CCDC63: variants seen among roughly 807,000 people sequenced by gnomAD.
CCDC63 encodes the protein coiled-coil domain containing 63.
A neutral mutation model predicts 63.6 loss-of-function variants in CCDC63; 54 were observed. That is an observed-to-expected ratio of 0.85 (90% confidence interval 0.68 to 1.07). CCDC63 has a LOEUF of 1.07. CCDC63 is among the 50% of genes least tolerant of loss of function. CCDC63 has a pLI of 0.00. For synonymous variants in CCDC63, 253 were observed against 266.1 expected, an observed-to-expected ratio of 0.95 and a Z score of 0.48; for missense variants, 637 against 689.6, an observed-to-expected ratio of 0.92 and a Z score of 0.86.
chr12:110,844,745 T>G (rs1198837849), upstream of CCDC63, among the ~76,000 whole-genome samples: 1 of 152,126 alleles, frequency 6.6e-6, no homozygotes, highest in Non-Finnish European at 1.5e-5. Flanking sequence ...CCTGGTTACA[T>G]AGGCTCAATG....
At chr12:110,863,674 G>A (rs954888987) in intron 4 of CCDC63, among the ~76,000 whole-genome samples, 1 of 151,790 alleles carries the variant, frequency 6.6e-6, no homozygotes, top group African/African-American at 2.4e-5. Context: ...CCTAGTAGTT[G>A]GGATTACAGA....
intron 9 of CCDC63, among the ~76,000 whole-genome samples, chr12:110,897,270 A>G (rs2071425700): frequency 1.3e-5 from 2 of 148,148 alleles, no homozygotes; most frequent in African/African-American, 5.1e-5. Flanking sequence ...ACTTGTCTCT[A>G]ATTTTATTAA....
intron 4 of CCDC63, among the ~76,000 whole-genome samples, chr12:110,871,525 A>G (rs1481765290): frequency 7.0e-6 from 1 of 142,990 alleles, no homozygotes; most frequent in East Asian, 2.1e-4. Context: ...CCTTCTCTCT[A>G]TCTTTCCTTC....
At position 110,904,711 on chromosome 12, in the gene CCDC63, C is replaced by T; in HGVS notation, c.1466C>T (p.Ala489Val). ...PFINPFWGGS[A>V]LLKPPEPIKV... ...ATCAACCCTTTCTGGGGTGGCTCTG[C>T]CCTCCTCAAGCCCCCAGAACCCATC... Residue 489 changes from alanine to valine, a missense_variant, in exon 11 of 12, where the codon GCC (alanine) becomes GTC (valine). Coordinates refer to ENST00000308208, the MANE Select transcript of CCDC63 (RefSeq NM_152591.3). 1.2e-6 allele frequency: 2 copies of T among 1,614,088 alleles called. No individual in the cohort carries two copies. Among genetic ancestry groups the T allele is most frequent in the Non-Finnish European group, 1.7e-6 (2 of 1,179,996 alleles).
rs1380451522 is a variant in CCDC63, at chr12:110,904,584, C to T, written c.1343-4C>T. The T allele has an allele frequency of 3.7e-6, 6 of 1,613,834 alleles. No homozygotes were observed. In the Admixed American group the frequency reaches 5.0e-5, roughly 13 times the overall value. On this transcript the variant is annotated splice_polypyrimidine_tract_variant and splice_region_variant and intron_variant, in intron 10 of 11. Transcript: ENST00000308208. ...CCATCTTGGTCCTGCTTCTTGTTCT[C>T]CAGCCATCATTGAAAAGAAGACCAA...
At chr12:110,893,954 T>C (rs1224152379) in intron 9 of CCDC63, among the ~76,000 whole-genome samples, 3 of 146,214 alleles carry the variant, frequency 2.1e-5, no homozygotes, top group African/African-American at 7.7e-5. Flanking sequence ...GCCGAGATCG[T>C]GTCACTGCAC....
intron 8 of CCDC63, among the ~76,000 whole-genome samples, chr12:110,890,817 G>A (rs1039345899): frequency 8.4e-6 from 1 of 119,468 alleles, no homozygotes; most frequent in African/African-American, 3.3e-5. Context: ...TTGCTCTATC[G>A]CCTGGCTGGA....
intron 9 of CCDC63, among the ~76,000 whole-genome samples, chr12:110,893,432 C>A (rs1454265737): frequency 6.6e-6 from 1 of 152,200 alleles, no homozygotes; most frequent in Non-Finnish European, 1.5e-5. Context: ...GGCTCTTGGG[C>A]CTGCAATTTC....
At chr12:110,880,684 A>AGTG (rs1481528942) in intron 6 of CCDC63, among the ~76,000 whole-genome samples, 1 of 604 alleles carries the variant, frequency 1.7e-3, no homozygotes, top group African/African-American at 6.7e-3. Context: ...TGGTGACGAT[A>AGTG]ATGATGGTAA....
chr12:110,897,430 T>TA lies in CCDC63; in HGVS notation c.1150-1494dup, dbSNP rs1240810984. 5.7e-4 allele frequency among the ~76,000 whole-genome samples: 85 copies of TA among 149,878 alleles called. 1 individual carries two copies. The highest frequency in any genetic ancestry group is 1.9e-3 in the African/African-American group (77 of 40,754). The stretch of plus-strand genomic sequence containing the variant: ...CAGCAAGATCCCATCTCTACAAAAT[T>TA]AAAAAAAAACCCAAAAACTTAGCTG... On this transcript the variant is annotated intron_variant, in intron 9 of 11. Transcript: ENST00000308208.
chr12:110,890,405 T>C (rs2071341471), intron 8 of CCDC63, among the ~76,000 whole-genome samples: 1 of 152,126 alleles, frequency 6.6e-6, no homozygotes, highest in South Asian at 2.1e-4. Flanking sequence ...AGCAATGCTA[T>C]GTTAGGAGAT....
intron 11 of CCDC63, among the ~76,000 whole-genome samples, chr12:110,906,534 A>G (rs1318965796): frequency 6.6e-6 from 1 of 151,958 alleles, no homozygotes; most frequent in Non-Finnish European, 1.5e-5. Flanking sequence ...GCATGACTTT[A>G]GTAAGTAGGG....
Position 110,904,801 on chromosome 12 carries a change from C to G in CCDC63, c.1546+10C>G. ...GACAGGTTGGATGATGGTGAGTTCT[C>G]TCTCTCTCAATCTGCACAGGTTGCT... is the stretch of plus-strand genomic sequence containing the variant. On this transcript the variant is annotated intron_variant, in intron 11 of 11. Transcript: ENST00000308208. The G allele has an allele frequency of 6.3e-7, 1 of 1,598,706 alleles. No homozygotes were observed.
chr12:110,887,103 A>G (rs1425192273), intron 8 of CCDC63, among the ~76,000 whole-genome samples: 1 of 152,066 alleles, frequency 6.6e-6, no homozygotes, highest in African/African-American at 2.4e-5. Context: ...TTAAAAAGCT[A>G]CAAAACTTTT....
At chr12:110,885,757 G>T (rs908559691) in intron 8 of CCDC63, among the ~76,000 whole-genome samples, 1 of 152,206 alleles carries the variant, frequency 6.6e-6, no homozygotes, top group Non-Finnish European at 1.5e-5. Flanking sequence ...GATGAGGGGA[G>T]CTGCTTTCCT....
intron 10 of CCDC63, among the ~76,000 whole-genome samples, chr12:110,904,272 T>C (rs552074345): frequency 6.6e-6 from 1 of 151,940 alleles, no homozygotes; most frequent in African/African-American, 2.4e-5. Context: ...AACTGGGAGT[T>C]TGAGGTCGCA....
intron 9 of CCDC63, among the ~76,000 whole-genome samples, chr12:110,893,892 G>A (rs1248031141): frequency 1.3e-5 from 2 of 151,990 alleles, no homozygotes; most frequent in Non-Finnish European, 2.9e-5. Context: ...CAGCTACTTG[G>A]GAGTCTGAGG....
At chr12:110,881,426 A>T (rs1262880142) in intron 7 of CCDC63, 130 bp downstream of exon 7, 3 of 945,334 alleles carry the variant, frequency 3.2e-6, no homozygotes, top group Non-Finnish European at 3.1e-6. Flanking sequence ...AAGATATAAG[A>T]TGCCTAGTTA....
chr12:110,858,558 G>T (rs1251814131), intron 3 of CCDC63, 28 bp from the exon 4 acceptor site: 1 of 1,591,510 alleles, frequency 6.3e-7, no homozygotes, highest in Non-Finnish European at 8.6e-7. Context: ...AGGGGTTTGG[G>T]GTTAATCATG....
Sources: gnomAD v4.1 joint callset for allele counts (sites outside exome capture counted in the v4.1 genomes callset) on GRCh38, gnomAD v4.1.1 for gene constraint, MANE v1.5 for transcripts, NCBI Gene and HGNC (gene_info 2026-07-23, HGNC 2026-07-21) for gene names.